ANKRD36: variants seen among roughly 807,000 people sequenced by gnomAD.
The protein encoded by ANKRD36 is ankyrin repeat domain 36.
Under a neutral mutation model 278.1 loss-of-function variants are expected in ANKRD36, and 179 were observed. The ratio of observed to expected loss-of-function variants is 0.64; its 90% CI spans 0.57 to 0.73. The LOEUF (loss-of-function observed/expected upper bound fraction) is 0.73. Ranked by LOEUF, ANKRD36 falls within the 30% of genes least tolerant of loss-of-function variation. ANKRD36 has a pLI of 0.00. For missense variants in ANKRD36, 1,159 were observed against 1,956.7 expected, an observed-to-expected ratio of 0.59 and a Z score of 7.69; for synonymous variants, 320 against 641.1, an observed-to-expected ratio of 0.50 and a Z score of 7.57.
chr2:97,122,785 T>G, intron 3 of ANKRD36, 102 bp from the exon 4 acceptor site: 4 of 1,095,284 alleles, frequency 3.7e-6, no homozygotes, highest in Non-Finnish European at 3.8e-6. Context: ...GACCTTTCAA[T>G]TGTATATATT....
intron 56 of ANKRD36, among the ~76,000 whole-genome samples, chr2:97,210,965 G>T (rs1475090687): frequency 1.3e-5 from 2 of 151,870 alleles, no homozygotes; most frequent in Admixed American, 6.6e-5. Flanking sequence ...CACCACATGG[G>T]GGTGAGAGAT....
intron 67 of ANKRD36, among the ~76,000 whole-genome samples, chr2:97,227,497 G>C (rs2070247742): frequency 1.3e-5 from 2 of 152,122 alleles, no homozygotes; most frequent in African/African-American, 2.4e-5. Flanking sequence ...CTTTGCTGAA[G>C]TTGCTGATCA....
chr2:97,226,691 G>A (rs1348121039), intron 67 of ANKRD36, among the ~76,000 whole-genome samples: 6 of 151,864 alleles, frequency 4.0e-5, no homozygotes, highest in Non-Finnish European at 8.8e-5. Flanking sequence ...TAGACATGAA[G>A]TCCTTGCCCA....
At chr2:97,154,243 A>G (rs2046876103) in intron 14 of ANKRD36, among the ~76,000 whole-genome samples, 1 of 147,414 alleles carries the variant, frequency 6.8e-6, no homozygotes, top group South Asian at 2.1e-4. Flanking sequence ...GATAATGGAG[A>G]AGAGACCGTG....
Position 97,220,602 on chromosome 2 carries a change from A to G in ANKRD36, c.3877+1356A>G, listed in dbSNP as rs1291149717. On this transcript the variant is annotated intron_variant, in intron 66 of 75. Transcript: ENST00000420699. ...TTTCACATGGCTGAGCCGTATATGT[A>G]TCACATTTTTAGAACCCATTTTTCT... 2.0e-5 allele frequency among the ~76,000 whole-genome samples: 3 copies of G among 151,798 alleles called. No homozygotes were observed. In the East Asian group the frequency reaches 6.0e-4, roughly 30 times the overall value.
rs1312966787 is a variant in ANKRD36 at position 97,118,932 on chromosome 2, A to C, written c.486+415A>C. On this transcript the variant is annotated intron_variant, in intron 3 of 75. Coordinates refer to ENST00000420699, the MANE Select transcript of ANKRD36 (RefSeq NM_001354587.1). ...TTAAAGAATTTCACAATAAATGTAC[A>C]TGTTGTTGCTGTTGAAAGTGTTGTA... is the stretch of plus-strand genomic sequence containing the variant. 1.6e-4 allele frequency: 13 copies of C among 80,052 alleles called. 1 individual carries two copies. The highest frequency in any genetic ancestry group is 4.0e-4 in the African/African-American group (13 of 32,862). The allele number at this position is 80,052 out of a possible 1,614,324, so 5.0% of individuals were successfully genotyped here.
At chr2:97,240,709 G>A (rs1400586906) in intron 68 of ANKRD36, among the ~76,000 whole-genome samples, 1 of 100,168 alleles carries the variant, frequency 1.0e-5, no homozygotes, top group Non-Finnish European at 1.9e-5. Flanking sequence ...AGTCCACTGT[G>A]TTGAAAATCA....
rs746699789 is a variant in ANKRD36 at position 97,200,342 on chromosome 2, C to T, written c.2764C>T (p.Arg922Trp). 5.0e-5 allele frequency: 80 copies of T among 1,606,810 alleles called. No homozygotes were observed. The highest frequency in any genetic ancestry group is 4.5e-4 in the Middle Eastern group (2 of 4,418). The change falls in exon 45 of 76, where the codon CGG (arginine) becomes TGG (tryptophan). Residue 922 changes from arginine (R) to tryptophan (W), a missense_variant. Physicochemically the swap from Arg to Trp is moderately radical, Grantham distance 101. Coordinates refer to ENST00000420699, the MANE Select transcript of ANKRD36 (RefSeq NM_001354587.1). ...TCCCTTTTGCTTTTCAGTGTCTTCT[C>T]GGAAAAAACCATCCTTGGAGGTAAT... is the stretch of plus-strand genomic sequence containing the variant. ...DGEKTKRVSS[R>W]KKPSLEATSD...
intron 6 of ANKRD36, among the ~76,000 whole-genome samples, chr2:97,140,129 G>A (rs2042511191): frequency 6.6e-6 from 1 of 151,318 alleles, no homozygotes; most frequent in African/African-American, 2.4e-5. Flanking sequence ...CTGTCTCATG[G>A]CACTCTGCTC....
intron 11 of ANKRD36, among the ~76,000 whole-genome samples, chr2:97,147,079 G>A (rs940785467): frequency 7.9e-5 from 12 of 151,742 alleles, no homozygotes; most frequent in Non-Finnish European, 1.6e-4. Flanking sequence ...GCAAGACTAG[G>A]CCAGTCCTAG....
In ANKRD36 at chr2:97,156,102, G is replaced by A. The variant is rs1459475448; in HGVS notation, c.1260+1361G>A. Among the ~76,000 whole-genome samples the A allele has an allele frequency of 4.1e-5, 6 of 146,406 alleles. 1 individual carries two copies. Among genetic ancestry groups the A allele is most frequent in the Non-Finnish European group, 7.7e-5 (5 of 64,830 alleles). On this transcript the variant is annotated intron_variant, in intron 15 of 75. Transcript: ENST00000420699. ...GAAATAGGAAAGGCGGATACAGCGTGTTTTCTAATATCTTCCAACTGGAAG... is the reference window on the plus strand; with the variant it reads ...GAAATAGGAAAGGCGGATACAGCGTATTTTCTAATATCTTCCAACTGGAAG...
Position 97,188,956 on chromosome 2 carries a change from C to G in ANKRD36, c.2144-131C>G, listed in dbSNP as rs2058006806. The G allele has an allele frequency of 1.9e-5, 9 of 480,636 alleles. 2 individuals carry two copies. Among genetic ancestry groups the G allele is most frequent in the South Asian group, 1.5e-4 (9 of 59,748 alleles). 29.8% of individuals were successfully genotyped at this position (480,636 alleles called of 1,614,324 possible). On this transcript the variant is annotated intron_variant, in intron 32 of 75. Transcript: ENST00000420699. Reference sequence around the variant, plus strand: ...TCTGTCATGTTCCAGTCCCAAGAGACAAAGTAGAAGACATCAGAGCCTACA... The same window carrying G: ...TCTGTCATGTTCCAGTCCCAAGAGAGAAAGTAGAAGACATCAGAGCCTACA...
chr2:97,151,492 C>T (rs1266994632), intron 12 of ANKRD36, among the ~76,000 whole-genome samples: 3 of 152,248 alleles, frequency 2.0e-5, no homozygotes, highest in Non-Finnish European at 2.9e-5. Context: ...CACAAACATA[C>T]ATCATGCATA....
chr2:97,259,075 G>A (rs1430404460), intron 75 of ANKRD36, among the ~76,000 whole-genome samples: 3 of 138,788 alleles, frequency 2.2e-5, no homozygotes, highest in East Asian at 3.1e-4. Context: ...GTTTTTCCCC[G>A]ATGGAATCAT....
At chr2:97,190,956 T>G (rs1558622863) in intron 34 of ANKRD36, 22 bp from the exon 35 acceptor site, 1 of 1,602,720 alleles carries the variant, frequency 6.2e-7, no homozygotes, top group Non-Finnish European at 8.5e-7. Context: ...TGAGTGATTA[T>G]GTATCCCTTT....
chr2:97,232,837 A>G (rs2072621218), intron 67 of ANKRD36, among the ~76,000 whole-genome samples: 1 of 152,162 alleles, frequency 6.6e-6, no homozygotes, highest in Non-Finnish European at 1.5e-5. Context: ...CAAGAAACCC[A>G]GAAGTAGTTA....
chr2:97,206,069 A>T lies in ANKRD36; in HGVS notation c.3097A>T (p.Ser1033Cys). ...TGTTTCAAATTCCATTCAGGCTACA[A>T]GTGATGAGGAAGATTCTGTTTTGAG... ...SQKPPTLKAT[S>C]DEEDSVLSIA... Residue 1033 changes from serine (S) to cysteine (C), a missense_variant, in exon 52 of 76, where the codon AGT becomes TGT. Transcript: ENST00000420699. 6.4e-7 allele frequency: 1 copy of T among 1,551,084 alleles called. No individual in the cohort carries two copies. The highest frequency in any genetic ancestry group is 8.7e-7 in the Non-Finnish European group (1 of 1,149,470).
rs191150249 is a variant in ANKRD36, at chr2:97,127,692, C to T, written c.799+558C>T. On this transcript the variant is annotated intron_variant, in intron 6 of 75. Transcript: ENST00000420699. ...TTACAGCTGTAGTTTCCTTGTAGTT[C>T]GATGCTTGAACTACTCTCAATCTAG... is the stretch of plus-strand genomic sequence containing the variant. Among the ~76,000 whole-genome samples, 405 of 151,964 alleles carry T rather than the reference C, an allele frequency of 2.7e-3. 15 individuals are homozygous for T. In the East Asian group the frequency reaches 0.048, roughly 18 times the overall value.
At chr2:97,200,238 G>C (rs2153592702) in intron 44 of ANKRD36, 96 bp from the exon 45 acceptor site, 1 of 1,593,146 alleles carries the variant, frequency 6.3e-7, no homozygotes, top group South Asian at 1.1e-5. Context: ...ACTAATACAA[G>C]CAGGAGGACA....
Sources: allele counts gnomAD v4.1 joint callset (sites outside exome capture counted in the v4.1 genomes callset), GRCh38; gene constraint gnomAD v4.1.1; transcripts MANE v1.5; gene names NCBI Gene and HGNC (gene_info 2026-07-23, HGNC 2026-07-21).